TPD52L1: variants seen among roughly 807,000 people sequenced by gnomAD.
The protein encoded by TPD52L1 is TPD52 like 1.
Under a neutral mutation model 28.7 loss-of-function variants are expected in TPD52L1, and 18 were observed. The ratio of observed to expected loss-of-function variants is 0.63; its 90% CI spans 0.43 to 0.93. TPD52L1 has a LOEUF of 0.93. Among genes scored for constraint, TPD52L1 ranks in the 40% least tolerant of loss-of-function variants. TPD52L1 has a pLI of 0.00. For synonymous variants in TPD52L1, 75 were observed against 88.8 expected, an observed-to-expected ratio of 0.84 and a Z score of 0.88; for missense variants, 203 against 254.8, an observed-to-expected ratio of 0.80 and a Z score of 1.39.
At chr6:125,166,763 A>G (rs1790932473) in intron 1 of TPD52L1, among the ~76,000 whole-genome samples, 1 of 146,884 alleles carries the variant, frequency 6.8e-6, no homozygotes, top group African/African-American at 2.7e-5. Context: ...GAGAGAGCAA[A>G]TGACTTCTTT....
chr6:125,156,948 T>A (rs903793885), intron 1 of TPD52L1, among the ~76,000 whole-genome samples: 5 of 152,234 alleles, frequency 3.3e-5, no homozygotes, highest in Non-Finnish European at 7.3e-5. Flanking sequence ...ATTTTCAGAC[T>A]TTTTGTTATT....
chr6:125,201,722 TAA>T (rs1793810395), intron 1 of TPD52L1, among the ~76,000 whole-genome samples: 1 of 152,248 alleles, frequency 6.6e-6, no homozygotes, highest in Non-Finnish European at 1.5e-5. Flanking sequence ...CTAGTGAGGA[TAA>T]GTGTCTTTTC....
At chr6:125,192,671 C>T (rs1793129406) in intron 1 of TPD52L1, among the ~76,000 whole-genome samples, 1 of 152,114 alleles carries the variant, frequency 6.6e-6, no homozygotes, top group African/African-American at 2.4e-5. Context: ...TTAATAAGAA[C>T]CAAGAAAGAA....
chr6:125,252,267 G>C, intron 4 of TPD52L1: 2 of 481,420 alleles, frequency 4.2e-6, no homozygotes, highest in Non-Finnish European at 7.2e-6. Context: ...CACTTGCTGA[G>C]CTCTCTCTCA....
intron 1 of TPD52L1, among the ~76,000 whole-genome samples, chr6:125,195,253 A>T (rs967120612): frequency 6.6e-6 from 1 of 152,174 alleles, no homozygotes; most frequent in Non-Finnish European, 1.5e-5. Flanking sequence ...TTGTTGTTTG[A>T]GTCTCTCTAG....
At chr6:125,211,261 G>GTCTGTCTATCTA (rs1554209656) in intron 1 of TPD52L1, among the ~76,000 whole-genome samples, 33 of 148,966 alleles carry the variant, frequency 2.2e-4, no homozygotes, top group Middle Eastern at 3.4e-3. Context: ...ATATGGATCT[G>GTCTGTCTATCTA]TCTATCTATC....
At chr6:125,176,536 C>A (rs1414121087) in intron 1 of TPD52L1, among the ~76,000 whole-genome samples, 1 of 152,130 alleles carries the variant, frequency 6.6e-6, no homozygotes, top group Non-Finnish European at 1.5e-5. Context: ...TTTTGTAGAA[C>A]TCGAGATGGA....
chr6:125,153,927 C>G lies in TPD52L1; in HGVS notation c.-25C>G. ...CTGGGAAGCACCAGGGTGTCCCCGCCGCCCTCAGCTCGAAGTCAGCCACCA... is the reference window on the plus strand; with the variant it reads ...CTGGGAAGCACCAGGGTGTCCCCGCGGCCCTCAGCTCGAAGTCAGCCACCA... On this transcript the variant is annotated 5_prime_UTR_variant, in exon 1 of 7. Coordinates refer to ENST00000534000, the MANE Select transcript of TPD52L1 (RefSeq NM_003287.4). 6.2e-7 allele frequency: 1 copy of G among 1,601,032 alleles called. No individual in the cohort carries two copies. Among genetic ancestry groups the G allele is most frequent in the Non-Finnish European group, 8.5e-7 (1 of 1,177,106 alleles).
intron 6 of TPD52L1, chr6:125,261,136 T>C (rs1388940482): frequency 6.6e-6 from 1 of 152,120 alleles, no homozygotes; most frequent in Non-Finnish European, 1.5e-5. Context: ...GATTTGAGTA[T>C]CTGTGAGAGC....
intron 1 of TPD52L1, among the ~76,000 whole-genome samples, chr6:125,178,535 C>T (rs1182971450): frequency 6.6e-6 from 1 of 152,084 alleles, no homozygotes; most frequent in Non-Finnish European, 1.5e-5. Context: ...GCAGGAGAAT[C>T]GCTTCAACCC....
At chr6:125,261,528 T>C (rs1365676201) in intron 6 of TPD52L1, 1 of 152,098 alleles carries the variant, frequency 6.6e-6, no homozygotes, top group Non-Finnish European at 1.5e-5. Flanking sequence ...AGTGTGACTA[T>C]TAATAAGACT....
chr6:125,216,890 G>C (rs950878686), intron 1 of TPD52L1, among the ~76,000 whole-genome samples: 1 of 152,038 alleles, frequency 6.6e-6, no homozygotes, highest in Non-Finnish European at 1.5e-5. Context: ...GTGAATACCA[G>C]GGACTCAAGA....
At chr6:125,242,842 G>A (rs1796693939) in intron 3 of TPD52L1, among the ~76,000 whole-genome samples, 1 of 152,020 alleles carries the variant, frequency 6.6e-6, no homozygotes, top group South Asian at 2.1e-4. Context: ...GCTAGTTGTT[G>A]CCTAAATACT....
intron 2 of TPD52L1, among the ~76,000 whole-genome samples, chr6:125,226,138 A>C (rs546569066): frequency 3.3e-5 from 5 of 152,170 alleles, no homozygotes; most frequent in African/African-American, 2.4e-5. Context: ...AGTTTTTGGC[A>C]TATATTTAGA....
intron 1 of TPD52L1, among the ~76,000 whole-genome samples, chr6:125,176,404 T>G (rs917847550): frequency 2.0e-5 from 3 of 152,204 alleles, no homozygotes; most frequent in Non-Finnish European, 2.9e-5. Context: ...TTTGAAATAT[T>G]GATGAGTACA....
chr6:125,185,937 C>T (rs1792587383), intron 1 of TPD52L1, among the ~76,000 whole-genome samples: 1 of 144,954 alleles, frequency 6.9e-6, no homozygotes, highest in Admixed American at 7.2e-5. Context: ...TCTGTCGCCC[C>T]AGCTAGAGTG....
chr6:125,240,707 A>C (rs2115016979), intron 3 of TPD52L1, among the ~76,000 whole-genome samples: 1 of 152,202 alleles, frequency 6.6e-6, no homozygotes, highest in South Asian at 2.1e-4. Flanking sequence ...TTCATTCATC[A>C]GATCTAGTAG....
chr6:125,238,150 A>G (rs77805230), intron 3 of TPD52L1, among the ~76,000 whole-genome samples: 5,125 of 152,320 alleles, frequency 0.034, 114 homozygotes, highest in Middle Eastern at 0.051. Flanking sequence ...TTCTGAGTCT[A>G]GTTAATCCAA....
intron 3 of TPD52L1, among the ~76,000 whole-genome samples, chr6:125,237,501 T>C (rs1796338618): frequency 6.6e-6 from 1 of 152,216 alleles, no homozygotes; most frequent in Non-Finnish European, 1.5e-5. Context: ...TTTTGGGCAT[T>C]CAATAGATTG....
Sources: allele counts gnomAD v4.1 joint callset (sites outside exome capture counted in the v4.1 genomes callset), GRCh38; gene constraint gnomAD v4.1.1; transcripts MANE v1.5; gene names NCBI Gene and HGNC (gene_info 2026-07-23, HGNC 2026-07-21).